Variants in EDEM3 observed in about 807,000 individuals in gnomAD.
The protein encoded by EDEM3 is ER degradation-enhancing alpha-mannosidase-like protein 3.
Under a neutral mutation model 110.2 loss-of-function variants are expected in EDEM3, and 60 were observed. The ratio of observed to expected loss-of-function variants is 0.54; its 90% CI spans 0.44 to 0.67. The LOEUF is 0.67. EDEM3 is among the 30% of genes least tolerant of loss of function. The pLI, the probability that EDEM3 is intolerant of heterozygous loss-of-function variation, is 0.00. For missense variants in EDEM3, 996 were observed against 1,121.0 expected (o/e 0.89, Z 1.59); for synonymous variants, 352 against 382.9 (o/e 0.92, Z 0.94).
chr1:184,728,202 A>C (rs991160758), intron 6 of EDEM3, among the ~76,000 whole-genome samples: 2 of 152,186 alleles, frequency 1.3e-5, no homozygotes, highest in Non-Finnish European at 2.9e-5. Flanking sequence ...CAGATATATA[A>C]ATAGAGAAAA....
chr1:184,698,126 A>G (rs1649424919), intron 19 of EDEM3, among the ~76,000 whole-genome samples: 1 of 151,836 alleles, frequency 6.6e-6, no homozygotes. Context: ...ATAAAGGGAA[A>G]TATGCTGACT....
At chr1:184,740,789 A>G (rs1652093676) in intron 2 of EDEM3, among the ~76,000 whole-genome samples, 1 of 152,256 alleles carries the variant, frequency 6.6e-6, no homozygotes, top group African/African-American at 2.4e-5. Flanking sequence ...GAGACTACAG[A>G]TAAGCAGCCA....
chr1:184,753,520 T>G (rs549021334), intron 1 of EDEM3, among the ~76,000 whole-genome samples: 1 of 152,118 alleles, frequency 6.6e-6, no homozygotes, highest in South Asian at 2.1e-4. Context: ...ATAGAACTGA[T>G]GAATCAAAGT....
At chr1:184,745,670 G>C (rs1403658177) in intron 2 of EDEM3, among the ~76,000 whole-genome samples, 1 of 152,138 alleles carries the variant, frequency 6.6e-6, no homozygotes, top group Non-Finnish European at 1.5e-5. Context: ...TTTTGAAAGA[G>C]TTCCTTTGGT....
At chr1:184,711,687 C>A in intron 15 of EDEM3, 36 bp downstream of exon 15, 1 of 1,531,620 alleles carries the variant, frequency 6.5e-7, no homozygotes, top group Non-Finnish European at 8.8e-7. Context: ...TAAGAAACAA[C>A]TTTGATATTA....
At chr1:184,704,649 CAAAAAAAAAAAAA>C (rs58913815) in intron 18 of EDEM3, among the ~76,000 whole-genome samples, 3 of 29,904 alleles carry the variant, frequency 1.0e-4, no homozygotes, top group Non-Finnish European at 1.9e-4. Flanking sequence ...GACTCTGTCT[CAAAAAAAAAAAAA>C]AAAAAAAAAA....
chr1:184,696,412 C>T (rs143443184), intron 19 of EDEM3, among the ~76,000 whole-genome samples: 3 of 151,834 alleles, frequency 2.0e-5, no homozygotes, highest in East Asian at 3.9e-4. Context: ...AATTATTATG[C>T]TTTTCTGTTG....
intron 12 of EDEM3, 61 bp from the exon 13 acceptor site, chr1:184,717,073 C>T: frequency 7.3e-7 from 1 of 1,365,754 alleles, no homozygotes. Flanking sequence ...CATATCCATT[C>T]ATTTACCAAA....
chr1:184,740,045 T>C (rs1652050881), intron 2 of EDEM3, among the ~76,000 whole-genome samples: 2 of 152,134 alleles, frequency 1.3e-5, no homozygotes, highest in Non-Finnish European at 2.9e-5. Flanking sequence ...GACTAGAACA[T>C]TTCTACCTAC....
At position 184,711,883 on chromosome 1, in the gene EDEM3, A is replaced by G. The variant is rs1180561654; in HGVS notation, c.1537-6T>C. Reference sequence around the variant, plus strand: ...AGTTCTGTATATTCCGAGGTCTACAAGAGAAAAACATTTTATGTAAACAGA... The same window carrying G: ...AGTTCTGTATATTCCGAGGTCTACAGGAGAAAAACATTTTATGTAAACAGA... On this transcript the variant is annotated splice_polypyrimidine_tract_variant and splice_region_variant and intron_variant, in intron 14 of 19. Transcript: ENST00000318130. The G allele has an allele frequency of 1.3e-6, 2 of 1,574,862 alleles. No individual in the cohort carries two copies. The highest frequency in any genetic ancestry group is 1.7e-6 in the Non-Finnish European group (2 of 1,166,610).
At chr1:184,719,269 T>C (rs1291925848) in intron 10 of EDEM3, 24 bp from the exon 11 acceptor site, 1 of 1,524,972 alleles carries the variant, frequency 6.6e-7, no homozygotes, top group East Asian at 2.3e-5. Context: ...ACAATAAAAT[T>C]ACCTAATAAA....
rs116206389 is a variant in EDEM3 at position 184,710,287 on chromosome 1, G to A, written c.1845+107C>T. On this transcript the variant is annotated intron_variant, in intron 16 of 19. Coordinates refer to ENST00000318130, the MANE Select transcript of EDEM3 (RefSeq NM_025191.4). ...AATTCTCATTCTCTCACTTTAAACA[G>A]TATATTTAAAGTGTTTAGAAAGTTG... The A allele has an allele frequency of 2.9e-3, 3,753 of 1,309,194 alleles. 32 individuals are homozygous for A. The highest frequency in any genetic ancestry group is 0.025 in the East Asian group (1,063 of 41,880). 81.1% of individuals were successfully genotyped at this position (1,309,194 alleles called of 1,614,324 possible).
rs1653010813 is a variant in EDEM3, at chr1:184,754,829, C to T, written c.-183G>A. 1.0e-6 allele frequency: 1 copy of T among 984,544 alleles called. No homozygotes were observed. Among genetic ancestry groups the T allele is most frequent in the Non-Finnish European group, 1.4e-6 (1 of 709,954 alleles). 61.0% of individuals were successfully genotyped at this position (984,544 alleles called of 1,614,324 possible). A position where few individuals can be genotyped will look rare whatever the true frequency, so the allele number is the denominator to read the frequency against. On this transcript the variant is annotated 5_prime_UTR_variant, in exon 1 of 20. Transcript: ENST00000318130. ...AGCCGGTCCCCAGCGCCAGCGCTGC[C>T]ACCGCCCTCCGCCCTCAGTATCCCG... is the stretch of plus-strand genomic sequence containing the variant.
chr1:184,749,959 G>A (rs937030491), intron 1 of EDEM3, among the ~76,000 whole-genome samples: 3 of 152,112 alleles, frequency 2.0e-5, no homozygotes, highest in African/African-American at 7.2e-5. Flanking sequence ...TGAAGCGGGG[G>A]TTTTGCTGGA....
Position 184,754,509 on chromosome 1 carries a change from C to T in EDEM3, c.138G>A (p.Arg46=). 6.2e-7 allele frequency: 1 copy of T among 1,613,362 alleles called. No homozygotes were observed. Among genetic ancestry groups the T allele is most frequent in the Non-Finnish European group, 8.5e-7 (1 of 1,179,822 alleles). The change falls in exon 1 of 20, where the codon AGG becomes AGA. Residue 46 remains arginine, a synonymous_variant. Transcript: ENST00000318130. ...CTTACCCAAGCTTCTGTTTCTCCTCCCTACTCATGGGCTCGGCCCCCGCCG... is the reference window on the plus strand; with the variant it reads ...CTTACCCAAGCTTCTGTTTCTCCTCTCTACTCATGGGCTCGGCCCCCGCCG... The part of the protein sequence containing the change: ...VWTAGAEPMS[R]EEKQKLGNQV...
chr1:184,732,873 C>A lies in EDEM3; in HGVS notation c.576G>T (p.Pro192=), dbSNP rs748972013. Residue 192 remains proline, a synonymous_variant, in exon 6 of 20, where the codon CCG becomes CCT. Coordinates refer to ENST00000318130, the MANE Select transcript of EDEM3 (RefSeq NM_025191.4). ...MAKQLGYKLL[P]AFNTTSGLPY... is the part of the protein sequence containing the mutation. ...GAAGGCCACTGGTAGTGTTGAAAGC[C>A]GGTAAAAGTTTGTAACCTAACTGCT... 1.9e-6 allele frequency: 3 copies of A among 1,613,674 alleles called. No homozygotes were observed. The South Asian group carries it at 3.3e-5, about 18-fold the overall frequency.
chr1:184,729,800 C>T (rs1343120020), intron 6 of EDEM3, among the ~76,000 whole-genome samples: 8 of 151,718 alleles, frequency 5.3e-5, no homozygotes, highest in Non-Finnish European at 1.2e-4. Flanking sequence ...TCTGTTTTAC[C>T]ATAACGCTCA....
intron 2 of EDEM3, among the ~76,000 whole-genome samples, chr1:184,748,806 A>G (rs529749314): frequency 3.7e-4 from 57 of 152,364 alleles, no homozygotes; most frequent in African/African-American, 1.3e-3. Context: ...CCTCTGCCAA[A>G]CTTTCCCAAC....
intron 7 of EDEM3, among the ~76,000 whole-genome samples, chr1:184,725,782 A>G (rs1216646140): frequency 6.6e-6 from 1 of 152,086 alleles, no homozygotes; most frequent in African/African-American, 2.4e-5. Context: ...AGTCTTTTGG[A>G]TAATGAATAA....
Sources: gnomAD v4.1 joint callset for allele counts (sites outside exome capture counted in the v4.1 genomes callset) on GRCh38, gnomAD v4.1.1 for gene constraint, MANE v1.5 for transcripts, NCBI Gene and HGNC (gene_info 2026-07-23, HGNC 2026-07-21) for gene names.